The following ZFP64 variants were observed in gnomAD, a reference collection of about 807,000 sequenced individuals.
ZFP64 encodes the protein zinc finger protein 64.
In ZFP64, 14 loss-of-function variants were observed where a neutral mutation model predicts 51.6. That is an observed-to-expected ratio of 0.27 (90% CI 0.18 to 0.42). The LOEUF is 0.42. ZFP64 is among the 10% of genes least tolerant of loss of function. ZFP64 has a pLI of 1.00. For synonymous variants in ZFP64, 375 were observed against 361.4 expected, an observed-to-expected ratio of 1.04 and a Z score of -0.43; for missense variants, 754 against 906.8, an observed-to-expected ratio of 0.83 and a Z score of 2.16.
intron 5 of ZFP64, among the ~76,000 whole-genome samples, chr20:52,107,868 G>A (rs186003389): frequency 1.3e-4 from 20 of 152,300 alleles, no homozygotes. Context: ...GTGTGTACCT[G>A]GGGGTGGTAT....
intron 5 of ZFP64, among the ~76,000 whole-genome samples, chr20:52,100,355 C>T (rs2079037952): frequency 6.6e-6 from 1 of 152,172 alleles, no homozygotes; most frequent in East Asian, 1.9e-4. Context: ...AAGCGATTCT[C>T]CTGCCTCAGA....
intron 2 of ZFP64, among the ~76,000 whole-genome samples, chr20:52,177,484 C>T (rs1302599229): frequency 6.6e-6 from 1 of 152,074 alleles, no homozygotes; most frequent in Non-Finnish European, 1.5e-5. Context: ...GGGAGCATTT[C>T]CTCCCTGATA....
At position 52,153,120 on chromosome 20, in the gene ZFP64, G is replaced by A. The variant is rs1981010438; in HGVS notation, c.1072C>T (p.Leu358=). 2 of 1,614,224 alleles carry A rather than the reference G, an allele frequency of 1.2e-6. No individual in the cohort carries two copies. The highest frequency in any genetic ancestry group is 1.7e-6 in the Non-Finnish European group (2 of 1,180,054). Residue 358 remains leucine, a synonymous_variant, in exon 6 of 6, where the codon CTG becomes TTG. Coordinates refer to ENST00000216923, the MANE Select transcript of ZFP64 (RefSeq NM_018197.3). This position sits in a 1 kb window ranked among gnomAD's most constrained non-coding sequence, Gnocchi z 5.1. The stretch of plus-strand genomic sequence containing the variant: ...CAGTGGATACGCTCGTGGATGCGCA[G>A]GGCGGCCTTGCTGGAGCAGGAGTAG... ...CSYSCSSKAA[L]RIHERIHCTD...
Position 52,173,413 on chromosome 20 carries a change from G to A in ZFP64, c.287-7388C>T, listed in dbSNP as rs554541034. ...ACCAGCCTGAGCAACACAGGGAGAC[G>A]CCGTCTCCACAAAACCATACAAAAA... On this transcript the variant is annotated intron_variant, in intron 2 of 5. Transcript: ENST00000216923. Among the ~76,000 whole-genome samples, 3 of 152,124 alleles carry A rather than the reference G, an allele frequency of 2.0e-5. No individual in the cohort carries two copies. In the East Asian group the frequency reaches 5.8e-4, roughly 29 times the overall value.
At chr20:52,185,753 G>A (rs1983918041) in intron 2 of ZFP64, among the ~76,000 whole-genome samples, 1 of 151,856 alleles carries the variant, frequency 6.6e-6, no homozygotes, top group Non-Finnish European at 1.5e-5. Flanking sequence ...GCTAATTTTT[G>A]TATTTTTAGT....
intron 2 of ZFP64, among the ~76,000 whole-genome samples, chr20:52,180,172 G>A (rs1337767011): frequency 6.6e-6 from 1 of 152,228 alleles, no homozygotes; most frequent in Non-Finnish European, 1.5e-5. Context: ...CCAGTTCCTA[G>A]CAACACCAAG....
At chr20:52,176,082 G>A (rs1351391951) in intron 2 of ZFP64, 1 of 437,004 alleles carries the variant, frequency 2.3e-6, no homozygotes, top group African/African-American at 2.1e-5. Flanking sequence ...GACAGCAACT[G>A]GGCCAATCGA....
chr20:52,170,811 T>G (rs1301908858), intron 2 of ZFP64, among the ~76,000 whole-genome samples: 1 of 152,218 alleles, frequency 6.6e-6, no homozygotes, highest in Non-Finnish European at 1.5e-5. Flanking sequence ...AACAGAGCAG[T>G]GACTCAGAGA....
Position 52,160,983 on chromosome 20 carries a change from T to C in ZFP64, c.512-609A>G, listed in dbSNP as rs1248897065. Among the ~76,000 whole-genome samples the C allele has an allele frequency of 6.6e-6, 1 of 151,702 alleles. No homozygotes were observed. The highest frequency in any genetic ancestry group is 6.6e-5 in the Admixed American group (1 of 15,158). On this transcript the variant is annotated intron_variant, in intron 4 of 5. Coordinates refer to ENST00000216923, the MANE Select transcript of ZFP64 (RefSeq NM_018197.3). This position sits in a 1 kb window ranked among gnomAD's most constrained non-coding sequence, Gnocchi z 4.2. ...AGGTGAGGGCAGGTGAGTGAGTCGGTGAGCGCAGGTGAGTGAGCAGGTGAG... is the reference window on the plus strand; with the variant it reads ...AGGTGAGGGCAGGTGAGTGAGTCGGCGAGCGCAGGTGAGTGAGCAGGTGAG...
chr20:52,130,163 A>G (rs1347560867), intron 5 of ZFP64, among the ~76,000 whole-genome samples: 1 of 152,084 alleles, frequency 6.6e-6, no homozygotes, highest in Non-Finnish European at 1.5e-5. Flanking sequence ...CCACCCTGCC[A>G]TGGCACTTAC....
intron 5 of ZFP64, among the ~76,000 whole-genome samples, chr20:52,140,450 G>A (rs903968717): frequency 1.3e-5 from 2 of 152,236 alleles, no homozygotes; most frequent in South Asian, 4.1e-4. Context: ...AAGTGAAACA[G>A]CCTTATTGCT....
chr20:52,139,148 C>T (rs1457346193), intron 5 of ZFP64, among the ~76,000 whole-genome samples: 1 of 152,190 alleles, frequency 6.6e-6, no homozygotes, highest in Non-Finnish European at 1.5e-5. Flanking sequence ...GAACTTAGAA[C>T]TACCACTCGA....
intron 7 of ZFP64, chr20:52,088,750 C>T: frequency 1.4e-6 from 2 of 1,409,440 alleles, no homozygotes; most frequent in Non-Finnish European, 2.0e-6. Context: ...CTCCTCCTGT[C>T]CAAATACTGA....
intron 5 of ZFP64, chr20:52,104,656 C>T (rs573074526): frequency 2.8e-5 from 13 of 471,436 alleles, no homozygotes; most frequent in South Asian, 2.0e-4. Flanking sequence ...CGGGTACCTG[C>T]ACAGCTCGCT....
intron 5 of ZFP64, among the ~76,000 whole-genome samples, chr20:52,103,158 G>T (rs1205188235): frequency 6.6e-6 from 1 of 152,176 alleles, no homozygotes; most frequent in Non-Finnish European, 1.5e-5. Flanking sequence ...TTGACTATTA[G>T]AAACCAGGTT....
At chr20:52,121,409 G>A (rs185592996) in intron 5 of ZFP64, among the ~76,000 whole-genome samples, 32 of 152,242 alleles carry the variant, frequency 2.1e-4, no homozygotes, top group Admixed American at 4.6e-4. Context: ...TGAACCAGCC[G>A]GATTTTTGAT....
intron 5 of ZFP64, among the ~76,000 whole-genome samples, chr20:52,106,510 G>A (rs765229985): frequency 6.6e-6 from 1 of 152,122 alleles, no homozygotes; most frequent in Non-Finnish European, 1.5e-5. Context: ...GTCCTGTGGG[G>A]TTAGCAGCAT....
chr20:52,134,153 C>T (rs535335350), intron 5 of ZFP64, among the ~76,000 whole-genome samples: 35 of 151,912 alleles, frequency 2.3e-4, no homozygotes, highest in Admixed American at 1.8e-3. Context: ...AGGATCCCTC[C>T]GCTCCCCAAG....
At chr20:52,092,015 A>G (rs984762429) in intron 7 of ZFP64, among the ~76,000 whole-genome samples, 2 of 151,994 alleles carry the variant, frequency 1.3e-5, no homozygotes, top group Non-Finnish European at 2.9e-5. Context: ...CAAAAAACCT[A>G]TAGTCTATAA....
Sources: allele counts gnomAD v4.1 joint callset (sites outside exome capture counted in the v4.1 genomes callset), GRCh38; gene constraint gnomAD v4.1.1; non-coding constraint Gnocchi (gnomAD v3.1); transcripts MANE v1.5; gene names NCBI Gene and HGNC (gene_info 2026-07-23, HGNC 2026-07-21).